The following GOLGB1 variants were observed in gnomAD, a reference collection of about 807,000 sequenced individuals.
The protein encoded by GOLGB1 is golgin subfamily B member 1.
GOLGB1 carries 174 observed loss-of-function variants against 336.9 expected under a neutral mutation model. That is an observed-to-expected ratio of 0.52 (90% confidence interval 0.46 to 0.59). The LOEUF (loss-of-function observed/expected upper bound fraction) is 0.59. Among genes scored for constraint, GOLGB1 ranks in the 20% least tolerant of loss-of-function variants. The pLI is 0.00. For synonymous variants in GOLGB1, 1,208 were observed against 1,289.2 expected, an observed-to-expected ratio of 0.94 and a Z score of 1.35; for missense variants, 3,331 against 3,645.3, an observed-to-expected ratio of 0.91 and a Z score of 2.22.
intron 10 of GOLGB1, among the ~76,000 whole-genome samples, chr3:121,714,608 C>A (rs934098152): frequency 6.6e-6 from 1 of 151,806 alleles, no homozygotes; most frequent in Non-Finnish European, 1.5e-5. Flanking sequence ...ATTGTTAAGA[C>A]CTTAGAATCA....
intron 5 of GOLGB1, among the ~76,000 whole-genome samples, chr3:121,723,462 T>G (rs986018707): frequency 2.6e-5 from 4 of 152,228 alleles, no homozygotes; most frequent in African/African-American, 7.2e-5. Flanking sequence ...AATAATTAAA[T>G]TGCAATATAA....
At chr3:121,688,971 G>A (rs900682346) in intron 14 of GOLGB1, among the ~76,000 whole-genome samples, 81 of 152,192 alleles carry the variant, frequency 5.3e-4, no homozygotes, top group Non-Finnish European at 1.9e-4. Flanking sequence ...TCTGGGAAGT[G>A]AGGAGCGTCT....
intron 17 of GOLGB1, among the ~76,000 whole-genome samples, chr3:121,673,491 T>C (rs1221787253): frequency 6.6e-6 from 1 of 152,244 alleles, no homozygotes; most frequent in Admixed American, 6.5e-5. Context: ...AGGGATTGCA[T>C]TTAATCTGTA....
chr3:121,669,433 A>G (rs1465333968), intron 17 of GOLGB1, 78 bp from the exon 18 acceptor site: 6 of 1,174,036 alleles, frequency 5.1e-6, no homozygotes, highest in Non-Finnish European at 7.2e-6. Flanking sequence ...AGTTTTCAGG[A>G]TCTAATTTTC....
intron 10 of GOLGB1, among the ~76,000 whole-genome samples, chr3:121,702,910 T>G (rs1943522590): frequency 6.6e-6 from 1 of 152,130 alleles, no homozygotes; most frequent in Non-Finnish European, 1.5e-5. Context: ...CACAAACAAA[T>G]AGTATTACAA....
chr3:121,719,089 G>C (rs1944991526), intron 7 of GOLGB1, among the ~76,000 whole-genome samples: 1 of 152,144 alleles, frequency 6.6e-6, no homozygotes, highest in Non-Finnish European at 1.5e-5. Context: ...TAATTAAACA[G>C]ATCAAACATA....
At chr3:121,720,464 G>C (rs1945109201) in intron 6 of GOLGB1, among the ~76,000 whole-genome samples, 1 of 152,214 alleles carries the variant, frequency 6.6e-6, no homozygotes. Context: ...TTTAGGTTGT[G>C]AGTGTGTGCA....
chr3:121,749,493 A>G, intron 1 of GOLGB1, 139 bp downstream of exon 1: 1 of 152,730 alleles, frequency 6.5e-6, no homozygotes, highest in Non-Finnish European at 1.5e-5. Flanking sequence ...GAAGGGCCGG[A>G]TCCAGGACTG....
intron 17 of GOLGB1, among the ~76,000 whole-genome samples, chr3:121,669,868 G>T (rs531951003): frequency 1.1e-4 from 17 of 152,246 alleles, no homozygotes; most frequent in African/African-American, 4.1e-4. Context: ...ATAATATGTG[G>T]TAGAAGGGAG....
At chr3:121,723,281 T>G (rs1945323342) in intron 5 of GOLGB1, among the ~76,000 whole-genome samples, 1 of 152,258 alleles carries the variant, frequency 6.6e-6, no homozygotes, top group Admixed American at 6.5e-5. Context: ...TGTTGCATCA[T>G]GTAAGTTACT....
chr3:121,712,891 C>T (rs1478047288), intron 10 of GOLGB1, among the ~76,000 whole-genome samples: 5 of 152,086 alleles, frequency 3.3e-5, no homozygotes, highest in Admixed American at 1.3e-4. Context: ...CAGCCAGGTG[C>T]GGTGGCTCAT....
Position 121,719,630 on chromosome 3 carries a change from AG to A in GOLGB1, c.771+15del. 6.3e-7 allele frequency: 1 copy of A among 1,591,992 alleles called. No individual in the cohort carries two copies. Among genetic ancestry groups the A allele is most frequent in the Non-Finnish European group, 8.6e-7 (1 of 1,168,910 alleles). On this transcript the variant is annotated intron_variant, in intron 7 of 21. Coordinates refer to ENST00000614479, the MANE Select transcript of GOLGB1 (RefSeq NM_001366282.2). ...AACCAAAATGACAGTCATTCTACCG[AG>A]TTTTAGCAACACACCTGTTGCATCT...
intron 10 of GOLGB1, among the ~76,000 whole-genome samples, chr3:121,710,801 G>A (rs1944292999): frequency 6.6e-6 from 1 of 151,896 alleles, no homozygotes; most frequent in Admixed American, 6.6e-5. Context: ...AGGCTGCAGT[G>A]AGCTGTCATC....
At chr3:121,672,670 G>T (rs1180415311) in intron 17 of GOLGB1, among the ~76,000 whole-genome samples, 1 of 152,120 alleles carries the variant, frequency 6.6e-6, no homozygotes, top group African/African-American at 2.4e-5. Flanking sequence ...TTGGTTGCCT[G>T]TACTCTTCAG....
rs749289732 is a variant in GOLGB1 at position 121,695,777 on chromosome 3, C to A, written c.4746G>T (p.Glu1582Asp). 2.5e-6 allele frequency: 4 copies of A among 1,613,048 alleles called. No individual in the cohort carries two copies. Among genetic ancestry groups the A allele is most frequent in the Non-Finnish European group, 1.7e-6 (2 of 1,179,970 alleles). Reference protein sequence around the residue: ...SSCESLKLALEGLTEDKEKLV... With the variant: ...SSCESLKLALDGLTEDKEKLV... Reference sequence around the variant, plus strand: ...ACTTTTCCTTGTCTTCAGTAAGACCCTCTAGAGCTAGTTTTAGACTTTCAC... The same window carrying A: ...ACTTTTCCTTGTCTTCAGTAAGACCATCTAGAGCTAGTTTTAGACTTTCAC... The change falls in exon 13 of 22, where the codon GAG becomes GAT. Residue 1582 changes from glutamate to aspartate, a missense_variant. Glu to Asp is a conservative substitution (Grantham distance 45). Coordinates refer to ENST00000614479, the MANE Select transcript of GOLGB1 (RefSeq NM_001366282.2).
intron 4 of GOLGB1, among the ~76,000 whole-genome samples, chr3:121,728,198 G>A (rs1469944730): frequency 6.6e-6 from 1 of 152,080 alleles, no homozygotes; most frequent in Non-Finnish European, 1.5e-5. Flanking sequence ...TTTTAAAATA[G>A]GCTTCAAGAA....
At position 121,676,915 on chromosome 3, in the gene GOLGB1, C is replaced by A. The variant is rs1940464601; in HGVS notation, c.9155G>T (p.Arg3052Ile). The A allele has an allele frequency of 1.4e-5, 22 of 1,613,798 alleles. No homozygotes were observed. The highest frequency in any genetic ancestry group is 1.9e-5 in the Non-Finnish European group (22 of 1,179,724). The stretch of plus-strand genomic sequence containing the variant: ...TACGTTGCTGTTCAGTTGCTGAATT[C>A]TTAACTCCTTTTGGTGAATTTCCTT... ...SLKEIHQKEL[R>I]IQQLNSNFSQ... Residue 3052 changes from arginine to isoleucine, a missense_variant, in exon 17 of 22, where the codon AGA becomes ATA. By Grantham distance (97) the Arg-to-Ile change is moderately conservative (BLOSUM62 -3). Coordinates refer to ENST00000614479, the MANE Select transcript of GOLGB1 (RefSeq NM_001366282.2).
intron 12 of GOLGB1, 72 bp from the exon 13 acceptor site, chr3:121,699,001 A>C (rs987632015): frequency 1.3e-5 from 15 of 1,160,176 alleles, no homozygotes; most frequent in Admixed American, 7.6e-5. Flanking sequence ...CCAACTAAAA[A>C]CTTGTATTTC....
intron 1 of GOLGB1, among the ~76,000 whole-genome samples, chr3:121,736,916 T>C (rs888811277): frequency 6.6e-6 from 1 of 151,802 alleles, no homozygotes; most frequent in African/African-American, 2.4e-5. Context: ...AATAAATAAA[T>C]AAATAAACGC....
Sources: gnomAD v4.1 joint callset for allele counts (sites outside exome capture counted in the v4.1 genomes callset) on GRCh38, gnomAD v4.1.1 for gene constraint, MANE v1.5 for transcripts, NCBI Gene and HGNC (gene_info 2026-07-23, HGNC 2026-07-21) for gene names.